RARB: variants seen among roughly 807,000 people sequenced by gnomAD.
RARB encodes the protein HBV-activated protein.
RARB carries 17 observed loss-of-function variants against 51.9 expected under a neutral mutation model. The ratio of observed to expected loss-of-function variants is 0.33; its 90% confidence interval spans 0.22 to 0.49. RARB has a LOEUF of 0.49. Ranked by LOEUF, RARB falls within the 20% of genes least tolerant of loss-of-function variation. The probability of loss-of-function intolerance (pLI) is 0.99; values close to 1 mark genes in which losing one functional copy is unlikely to be tolerated. For synonymous variants in RARB, 215 were observed against 195.4 expected (o/e 1.10, Z -0.84); for missense variants, 369 against 550.8 (o/e 0.67, Z 3.30).
chr3:25,056,837 C>T (rs1159399209), intron 2 of RARB, among the ~76,000 whole-genome samples: 1 of 152,102 alleles, frequency 6.6e-6, no homozygotes, highest in African/African-American at 2.4e-5. Context: ...TGATACAATT[C>T]TTCCTTTGCC....
At chr3:25,389,965 A>G (rs567048094) in intron 5 of RARB, among the ~76,000 whole-genome samples, 1 of 152,286 alleles carries the variant, frequency 6.6e-6, no homozygotes, top group African/African-American at 2.4e-5. Context: ...GTAAGGAGAC[A>G]TAAGTTTGGA....
At chr3:25,200,273 G>T (rs1161635129) in intron 5 of RARB, among the ~76,000 whole-genome samples, 1 of 151,096 alleles carries the variant, frequency 6.6e-6, no homozygotes, top group East Asian at 1.9e-4. Flanking sequence ...CATATCATTT[G>T]CCCACTTTCT....
chr3:24,831,376 C>G (rs1339735520), intron 1 of RARB, among the ~76,000 whole-genome samples: 1 of 152,136 alleles, frequency 6.6e-6, no homozygotes, highest in Non-Finnish European at 1.5e-5. Context: ...ACGTTAATGT[C>G]CTGGTATTTT....
At chr3:25,328,053 T>A (rs2125443324) in intron 5 of RARB, among the ~76,000 whole-genome samples, 1 of 152,346 alleles carries the variant, frequency 6.6e-6, no homozygotes, top group African/African-American at 2.4e-5. Context: ...TTCTAAAGAA[T>A]TATTAGCAAT....
chr3:25,471,261 T>C (rs1372494653), intron 2 of RARB, among the ~76,000 whole-genome samples: 3 of 152,208 alleles, frequency 2.0e-5, no homozygotes, highest in Non-Finnish European at 1.5e-5. Flanking sequence ...TCCTCTCTGA[T>C]ACTATCTTTA....
chr3:25,252,777 C>A (rs1702759689), intron 5 of RARB, among the ~76,000 whole-genome samples: 1 of 152,026 alleles, frequency 6.6e-6, no homozygotes, highest in South Asian at 2.1e-4. Context: ...TTATCTATAT[C>A]CCCTTTTAAC....
At chr3:25,209,073 A>G (rs953086676) in intron 5 of RARB, among the ~76,000 whole-genome samples, 6 of 152,214 alleles carry the variant, frequency 3.9e-5, no homozygotes, top group African/African-American at 1.2e-4. Context: ...CGTGTCACCT[A>G]TTCTCACTGT....
chr3:25,249,148 T>C (rs756315187), intron 5 of RARB, among the ~76,000 whole-genome samples: 19 of 152,150 alleles, frequency 1.2e-4, no homozygotes, highest in Non-Finnish European at 2.5e-4. Flanking sequence ...TTTAAAATTT[T>C]TATCTGGTTT....
intron 4 of RARB, among the ~76,000 whole-genome samples, chr3:25,145,402 C>A (rs550668336): frequency 6.6e-6 from 1 of 152,150 alleles, no homozygotes; most frequent in Non-Finnish European, 1.5e-5. Flanking sequence ...AGGTTTAATG[C>A]AGCCAAGGAA....
chr3:25,227,634 TTA>T (rs1253408962), intron 5 of RARB, among the ~76,000 whole-genome samples: 1 of 152,132 alleles, frequency 6.6e-6, no homozygotes, highest in African/African-American at 2.4e-5. Context: ...CACAACTATA[TTA>T]TGTTTGCTGT....
At chr3:24,911,698 A>G (rs778743748) in intron 2 of RARB, among the ~76,000 whole-genome samples, 17 of 152,172 alleles carry the variant, frequency 1.1e-4, no homozygotes, top group Admixed American at 2.0e-4. Context: ...CATACCTGTA[A>G]TCCTAGCACT....
At chr3:24,943,961 C>T (rs921199619) in intron 2 of RARB, among the ~76,000 whole-genome samples, 21 of 152,040 alleles carry the variant, frequency 1.4e-4, no homozygotes, top group African/African-American at 3.6e-4. Flanking sequence ...AAAATGGTTC[C>T]GATTCAGAGC....
chr3:24,918,105 C>A (rs1302808023), intron 2 of RARB, among the ~76,000 whole-genome samples: 2 of 152,168 alleles, frequency 1.3e-5, no homozygotes, highest in Non-Finnish European at 2.9e-5. Flanking sequence ...TGTGAATGTT[C>A]AGAATAACAT....
chr3:24,974,007 G>C (rs1488401921), intron 2 of RARB, among the ~76,000 whole-genome samples: 1 of 152,074 alleles, frequency 6.6e-6, no homozygotes. Flanking sequence ...AGTGGTGAAA[G>C]TGGATATTCT....
chr3:25,582,987 C>T (rs556545793), intron 5 of RARB, among the ~76,000 whole-genome samples: 34 of 152,290 alleles, frequency 2.2e-4, no homozygotes, highest in African/African-American at 7.2e-4. Flanking sequence ...GCTGGGTTAA[C>T]GTGGGCAATT....
At chr3:25,434,544 T>TC (rs1491060424) in intron 1 of RARB, among the ~76,000 whole-genome samples, 10 of 115,108 alleles carry the variant, frequency 8.7e-5, no homozygotes, top group African/African-American at 1.3e-4. Flanking sequence ...TTTTTTTTTT[T>TC]TCTTTTTTTT....
chr3:25,456,803 T>C (rs995525141), intron 1 of RARB, among the ~76,000 whole-genome samples: 1 of 151,580 alleles, frequency 6.6e-6, no homozygotes, highest in African/African-American at 2.4e-5. Context: ...TTTTTCCCTT[T>C]CTGTTTTTGT....
At chr3:25,417,209 A>AC (rs1420323980) in intron 5 of RARB, among the ~76,000 whole-genome samples, 3 of 151,728 alleles carry the variant, frequency 2.0e-5, no homozygotes, top group East Asian at 1.9e-4. Context: ...AAAAAAAAAA[A>AC]AAAACTGCTG....
chr3:25,162,955 G>T (rs768475489), intron 4 of RARB, among the ~76,000 whole-genome samples: 1 of 152,176 alleles, frequency 6.6e-6, no homozygotes, highest in Non-Finnish European at 1.5e-5. Context: ...AAATTACTGG[G>T]TTATATGGTA....
Sources: gnomAD v4.1 joint callset for allele counts (sites outside exome capture counted in the v4.1 genomes callset) on GRCh38, gnomAD v4.1.1 for gene constraint, MANE v1.5 for transcripts, NCBI Gene and HGNC (gene_info 2026-07-23, HGNC 2026-07-21) for gene names.